Variants in SLC30A3 observed in about 807,000 individuals in gnomAD.
SLC30A3 encodes the protein solute carrier family 30 member 3.
In SLC30A3, 20 loss-of-function variants were observed where a neutral mutation model predicts 35.6. The observed-to-expected ratio is 0.56, with a 90% CI of 0.39 to 0.82. SLC30A3 has a LOEUF of 0.82. Among genes scored for constraint, SLC30A3 ranks in the 40% least tolerant of loss-of-function variants. The probability of loss-of-function intolerance (pLI) is 0.00; values close to 1 mark genes in which losing one functional copy is unlikely to be tolerated. For synonymous variants in SLC30A3, 217 were observed against 224.7 expected (o/e 0.97, Z 0.31); for missense variants, 401 against 530.6 (o/e 0.76, Z 2.40).
At chr2:27,273,880 T>C (rs1299808695) in intron 1 of SLC30A3, among the ~76,000 whole-genome samples, 1 of 152,104 alleles carries the variant, frequency 6.6e-6, no homozygotes, top group African/African-American at 2.4e-5. Context: ...CCATGAGTCA[T>C]GAAAGCTTGG....
chr2:27,275,491 G>T (rs1677980099), upstream of SLC30A3: 1 of 332,992 alleles, frequency 3.0e-6, no homozygotes, highest in Non-Finnish European at 5.9e-6. Context: ...GACCCGGCCG[G>T]TGTGAAGTTT....
chr2:27,262,732 G>T lies in SLC30A3; in HGVS notation c.95+80C>A. 1 of 1,351,164 alleles carries T rather than the reference G, an allele frequency of 7.4e-7. No individual in the cohort carries two copies. Among genetic ancestry groups the T allele is most frequent in the Non-Finnish European group, 9.7e-7 (1 of 1,031,988 alleles). The allele number at this position is 1,351,164 out of a possible 1,614,324, so 83.7% of individuals were successfully genotyped here. ...TGCGCTGGGGCGGCCGCCGGGGCCCGCGCCGAGAGAGACAACGAAATGGAC... is the reference window on the plus strand; with the variant it reads ...TGCGCTGGGGCGGCCGCCGGGGCCCTCGCCGAGAGAGACAACGAAATGGAC... On this transcript the variant is annotated intron_variant, in intron 1 of 7. Transcript: ENST00000233535. This position sits in a 1 kb window ranked among gnomAD's most constrained non-coding sequence, Gnocchi z 7.5.
rs752930429 is a variant in SLC30A3, at chr2:27,258,549, C to G, written c.277+204G>C. On this transcript the variant is annotated intron_variant, in intron 2 of 7. Coordinates refer to ENST00000233535, the MANE Select transcript of SLC30A3 (RefSeq NM_003459.5). This position sits in a 1 kb window ranked among gnomAD's most constrained non-coding sequence, Gnocchi z 4.0. Reference sequence around the variant, plus strand: ...GGTTTTTAAAAGAAGTCAGCCCTGACCTACTGGCCCCGGACCTCGGCTGGA... The same window carrying G: ...GGTTTTTAAAAGAAGTCAGCCCTGAGCTACTGGCCCCGGACCTCGGCTGGA... 9 of 667,038 alleles carry G rather than the reference C, an allele frequency of 1.3e-5. No individual in the cohort carries two copies. In the Admixed American group the frequency reaches 2.6e-4, roughly 19 times the overall value. The allele number at this position is 667,038 out of a possible 1,614,324, so 41.3% of individuals were successfully genotyped here. A position where few individuals can be genotyped will look rare whatever the true frequency, so the allele number is the denominator to read the frequency against.
At chr2:27,275,762 C>T (rs750261680), upstream of SLC30A3, 1 of 158,738 alleles carries the variant, frequency 6.3e-6, no homozygotes, top group Non-Finnish European at 1.4e-5. Context: ...AGTCCTCTTC[C>T]TCCTCTCCCC....
upstream of SLC30A3, among the ~76,000 whole-genome samples, chr2:27,263,659 T>A (rs1035088399): frequency 6.6e-6 from 1 of 151,068 alleles, no homozygotes; most frequent in Non-Finnish European, 1.5e-5. Flanking sequence ...CAACCCACTG[T>A]TATCCCTGCT....
In SLC30A3 at chr2:27,262,880, G is replaced by GC; in HGVS notation, c.26dup (p.Glu11GlyfsTer33). On this transcript the variant is annotated frameshift_variant, in exon 1 of 8. Coordinates refer to ENST00000233535, the MANE Select transcript of SLC30A3 (RefSeq NM_003459.5). LOFTEE classifies it high-confidence loss of function. The surrounding 1 kb of genome is among the most constrained non-coding windows in gnomAD (Gnocchi z 7.5). ...GGCTCACCAGGCGAGTGGTCTCCAAGCCCCCAGCGGCTGGAGAGGGCTCCA... is the reference window on the plus strand; with the variant it reads ...GGCTCACCAGGCGAGTGGTCTCCAAGCCCCCCAGCGGCTGGAGAGGGCTCCA... 1 of 1,557,486 alleles carries GC rather than the reference G, an allele frequency of 6.4e-7. No homozygotes were observed. Among genetic ancestry groups the GC allele is most frequent in the South Asian group, 1.2e-5 (1 of 84,776 alleles).
In SLC30A3 at chr2:27,258,101, G is replaced by T. The variant is rs749239891; in HGVS notation, c.425-43C>A. 1.2e-6 allele frequency: 2 copies of T among 1,610,256 alleles called. No individual in the cohort carries two copies. The highest frequency in any genetic ancestry group is 2.2e-5 in the East Asian group (1 of 44,758). ...GACAAGCTGTCAGAGACCTGCTTGG[G>T]ACCCTGACGGGTGCCCTCTGGCAAG... On this transcript the variant is annotated intron_variant, in intron 3 of 7. Transcript: ENST00000233535. The surrounding 1 kb of genome is among the most constrained non-coding windows in gnomAD (Gnocchi z 4.0).
Position 27,258,535 on chromosome 2 carries a change from G to T in SLC30A3, c.277+218C>A, listed in dbSNP as rs1677000151. The T allele has an allele frequency of 1.5e-6, 1 of 650,624 alleles. No individual in the cohort carries two copies. The highest frequency in any genetic ancestry group is 2.3e-5 in the South Asian group (1 of 42,686). 40.3% of individuals were successfully genotyped at this position (650,624 alleles called of 1,614,324 possible). On this transcript the variant is annotated intron_variant, in intron 2 of 7. Transcript: ENST00000233535. The surrounding 1 kb of genome is among the most constrained non-coding windows in gnomAD (Gnocchi z 4.0). ...TAACAAGAAAATAGGGTTTTTAAAA[G>T]AAGTCAGCCCTGACCTACTGGCCCC...
chr2:27,272,586 C>A (rs1677772674), intron 1 of SLC30A3, among the ~76,000 whole-genome samples: 1 of 151,220 alleles, frequency 6.6e-6, no homozygotes, highest in African/African-American at 2.4e-5. Context: ...CTCCGCCACA[C>A]CCAGCTAATT....
chr2:27,263,063 C>G (rs1322588997), upstream of SLC30A3: 12 of 1,359,960 alleles, frequency 8.8e-6, 1 homozygote, highest in South Asian at 1.8e-4. Flanking sequence ...GCGCGGAGTC[C>G]GAACTGCAGA....
chr2:27,263,191 CGCGCCAGAGCCCGGGA>C (rs936493550), upstream of SLC30A3: 1 of 1,078,328 alleles, frequency 9.3e-7, no homozygotes, highest in Non-Finnish European at 1.2e-6. Context: ...CCCATTTCCC[CGCGCCAGAGCCCGGGA>C]GCGCCCCGCC....
chr2:27,269,957 G>T (rs1485855977), intron 1 of SLC30A3, among the ~76,000 whole-genome samples: 1 of 152,180 alleles, frequency 6.6e-6, no homozygotes, highest in South Asian at 2.1e-4. Context: ...ATGTATCAGA[G>T]ATGTAGGAAG....
At chr2:27,256,973 C>T in intron 5 of SLC30A3, 80 bp from the exon 6 acceptor site, 1 of 1,165,920 alleles carries the variant, frequency 8.6e-7, no homozygotes, top group South Asian at 1.3e-5. Context: ...ACAAACATGA[C>T]CTGAGAGGCC....
chr2:27,275,229 C>A, exon 1 of SLC30A3: 1 of 1,303,882 alleles, frequency 7.7e-7, no homozygotes, highest in Middle Eastern at 2.1e-4. Context: ...GTGAGTTGGG[C>A]CATCAAGATG....
Position 27,263,005 on chromosome 2 carries a change from G to A in SLC30A3, c.-99C>T. 2 of 1,412,724 alleles carry A rather than the reference G, an allele frequency of 1.4e-6. No homozygotes were observed. Among genetic ancestry groups the A allele is most frequent in the Non-Finnish European group, 1.8e-6 (2 of 1,091,360 alleles). 87.5% of individuals were successfully genotyped at this position (1,412,724 alleles called of 1,614,324 possible). A position where few individuals can be genotyped will look rare whatever the true frequency, so the allele number is the denominator to read the frequency against. On this transcript the variant is annotated 5_prime_UTR_variant, in exon 1 of 8. Coordinates refer to ENST00000233535, the MANE Select transcript of SLC30A3 (RefSeq NM_003459.5). Reference sequence around the variant, plus strand: ...CAGCCCGCCGACCCCCGGGATCCCCGCAGGGCGGCGGGGCCACCAGAGTGG... The same window carrying A: ...CAGCCCGCCGACCCCCGGGATCCCCACAGGGCGGCGGGGCCACCAGAGTGG...
chr2:27,267,709 T>G (rs1572488641), upstream of SLC30A3, among the ~76,000 whole-genome samples: 1 of 151,718 alleles, frequency 6.6e-6, no homozygotes, highest in Non-Finnish European at 1.5e-5. Flanking sequence ...CCGAGGTGGG[T>G]GGATCACCTG....
In SLC30A3 at chr2:27,254,759, A is replaced by AACACACACAC. The variant is rs371039560; in HGVS notation, c.*543_*552dup. On this transcript the variant is annotated 3_prime_UTR_variant, in exon 8 of 8. Transcript: ENST00000233535. The stretch of plus-strand genomic sequence containing the variant: ...GAGACACACAGGCCACAGCACCAAG[A>AACACACACAC]ACACACACACACACACACACACACA... 1.3e-4 allele frequency: 23 copies of AACACACACAC among 176,326 alleles called. No individual in the cohort carries two copies. The highest frequency in any genetic ancestry group is 5.4e-4 in the East Asian group (3 of 5,600). The allele number at this position is 176,326 out of a possible 1,614,324, so 10.9% of individuals were successfully genotyped here.
chr2:27,266,033 A>G (rs538160689), upstream of SLC30A3, among the ~76,000 whole-genome samples: 2 of 150,478 alleles, frequency 1.3e-5, no homozygotes, highest in South Asian at 2.1e-4. Context: ...ATACACTCTC[A>G]TCGCACAATA....
At chr2:27,270,212 T>C (rs1050123841) in intron 1 of SLC30A3, among the ~76,000 whole-genome samples, 1 of 152,212 alleles carries the variant, frequency 6.6e-6, no homozygotes, top group African/African-American at 2.4e-5. Flanking sequence ...TTTAATAAGA[T>C]TGCTTTCTAT....
Sources: gnomAD v4.1 joint callset for allele counts (sites outside exome capture counted in the v4.1 genomes callset) on GRCh38, gnomAD v4.1.1 for gene constraint, Gnocchi (gnomAD v3.1) non-coding constraint, MANE v1.5 for transcripts, NCBI Gene and HGNC (gene_info 2026-07-23, HGNC 2026-07-21) for gene names.